Variants in ANKRD11 observed in about 807,000 individuals in gnomAD.
ANKRD11 encodes the protein ankyrin repeat domain 11, also known as ankyrin repeat domain-containing protein 11.
A neutral mutation model predicts 195.7 loss-of-function variants in ANKRD11; 17 were observed. The observed-to-expected ratio is 0.09, with a 90% CI of 0.06 to 0.13. The LOEUF (loss-of-function observed/expected upper bound fraction) is 0.13, where lower values mean the gene tolerates loss of function less well. Ranked by LOEUF, ANKRD11 falls within the 10% of genes least tolerant of loss-of-function variation. ANKRD11 has a pLI of 1.00. For missense variants in ANKRD11, 3,735 were observed against 3,566.1 expected, an observed-to-expected ratio of 1.05 and a Z score of -1.21; for synonymous variants, 1,953 against 1,528.1, an observed-to-expected ratio of 1.28 and a Z score of -6.49.
intron 1 of ANKRD11, among the ~76,000 whole-genome samples, chr16:89,457,708 T>C (rs2056499036): frequency 6.6e-6 from 1 of 152,026 alleles, no homozygotes; most frequent in African/African-American, 2.4e-5. Flanking sequence ...TGGTTACAAA[T>C]GGGCATTCTG....
chr16:89,307,222 G>C (rs74033740), intron 3 of ANKRD11, among the ~76,000 whole-genome samples: 2,358 of 152,326 alleles, frequency 0.015, 50 homozygotes, highest in African/African-American at 0.054. Flanking sequence ...GGAGGCCTCA[G>C]CTGCTCCAGG....
chr16:89,335,747 A>G (rs994791432), intron 2 of ANKRD11, among the ~76,000 whole-genome samples: 32 of 152,236 alleles, frequency 2.1e-4, no homozygotes, highest in Admixed American at 3.3e-4. Context: ...ACTGACCGTG[A>G]CAGGCCCCAG....
intron 1 of ANKRD11, among the ~76,000 whole-genome samples, chr16:89,461,602 A>G (rs1204266802): frequency 1.3e-5 from 2 of 152,116 alleles, no homozygotes; most frequent in Non-Finnish European, 2.9e-5. Context: ...CGGCCTCCGA[A>G]AGTGCTGAGA....
chr16:89,433,254 C>T (rs1472621932), intron 1 of ANKRD11, among the ~76,000 whole-genome samples: 3 of 152,216 alleles, frequency 2.0e-5, no homozygotes, highest in Admixed American at 6.5e-5. Flanking sequence ...GTGGCCATGA[C>T]TGGCCGGATC....
At chr16:89,342,521 C>A (rs190113955) in intron 2 of ANKRD11, among the ~76,000 whole-genome samples, 114 of 152,330 alleles carry the variant, frequency 7.5e-4, no homozygotes, top group African/African-American at 2.4e-3. Flanking sequence ...GAACTCGCTG[C>A]GGCCTGCGTG....
chr16:89,457,579 G>C (rs537142517), intron 1 of ANKRD11, among the ~76,000 whole-genome samples: 1 of 115,800 alleles, frequency 8.6e-6, no homozygotes, highest in Admixed American at 9.2e-5. Context: ...GCAAGGCTCC[G>C]TCTCAAGAAA....
intron 2 of ANKRD11, among the ~76,000 whole-genome samples, chr16:89,381,036 A>C (rs375693212): frequency 6.6e-6 from 1 of 152,202 alleles, no homozygotes; most frequent in African/African-American, 2.4e-5. Context: ...AGGGATGAGA[A>C]GGGCGGCTGG....
At chr16:89,304,995 A>C (rs1179969911) in intron 4 of ANKRD11, 1 of 693,108 alleles carries the variant, frequency 1.4e-6, no homozygotes, top group South Asian at 2.0e-5. Context: ...GAAGCTCTCC[A>C]ATCGGCCCCA....
chr16:89,375,089 C>T (rs1053435512), intron 2 of ANKRD11, among the ~76,000 whole-genome samples: 7 of 151,954 alleles, frequency 4.6e-5, no homozygotes, highest in Admixed American at 2.6e-4. Flanking sequence ...CGTAAACAAA[C>T]GTAACGTCGC....
At chr16:89,356,902 G>A (rs538845500) in intron 2 of ANKRD11, among the ~76,000 whole-genome samples, 45 of 152,228 alleles carry the variant, frequency 3.0e-4, no homozygotes, top group Non-Finnish European at 5.6e-4. Context: ...CCCTGTGGCT[G>A]TAATCTCCCG....
Position 89,300,639 on chromosome 16 carries a change from C to G in ANKRD11, c.226+4567G>C, listed in dbSNP as rs909194829. On this transcript the variant is annotated intron_variant, in intron 4 of 12. Transcript: ENST00000301030. ...ACCAGTGGCTAAGTCTGTCTTCCCT[C>G]CAGGAATGGGGAAGCAGGAGCCGTC... 2.6e-5 allele frequency: 13 copies of G among 504,268 alleles called. No homozygotes were observed. In the African/African-American group the frequency reaches 2.6e-4, roughly 10 times the overall value. 31.2% of individuals were successfully genotyped at this position (504,268 alleles called of 1,614,324 possible).
chr16:89,460,545 C>T (rs1291971566), intron 1 of ANKRD11, among the ~76,000 whole-genome samples: 2 of 152,022 alleles, frequency 1.3e-5, no homozygotes, highest in Non-Finnish European at 2.9e-5. Flanking sequence ...GGTGACAGAG[C>T]GAGATTCTGT....
At chr16:89,392,894 T>C (rs954294795) in intron 2 of ANKRD11, among the ~76,000 whole-genome samples, 36 of 151,862 alleles carry the variant, frequency 2.4e-4, no homozygotes, top group Admixed American at 2.0e-3. Context: ...AGTGAACTTG[T>C]GTCTAATCAC....
chr16:89,433,678 G>A (rs1027495677), intron 1 of ANKRD11, among the ~76,000 whole-genome samples: 1 of 151,128 alleles, frequency 6.6e-6, no homozygotes, highest in East Asian at 2.0e-4. Flanking sequence ...AGAAGGAACG[G>A]GCTTGGACGC....
intron 1 of ANKRD11, among the ~76,000 whole-genome samples, chr16:89,471,693 G>A (rs2057089567): frequency 6.9e-6 from 1 of 145,938 alleles, no homozygotes; most frequent in Non-Finnish European, 1.5e-5. Flanking sequence ...GATGAGGAAG[G>A]AGAGTTGCTT....
At chr16:89,472,498 C>T (rs1348101527) in intron 1 of ANKRD11, among the ~76,000 whole-genome samples, 1 of 152,202 alleles carries the variant, frequency 6.6e-6, no homozygotes, top group Non-Finnish European at 1.5e-5. Flanking sequence ...CCCGAGTCAC[C>T]AGCACATCAC....
At chr16:89,437,852 T>C (rs2043280870) in intron 1 of ANKRD11, among the ~76,000 whole-genome samples, 1 of 152,092 alleles carries the variant, frequency 6.6e-6, no homozygotes, top group Non-Finnish European at 1.5e-5. Context: ...CCCAGTTCAA[T>C]CTCCTATGGG....
Position 89,280,131 on chromosome 16 carries a change from G to T in ANKRD11, c.6411C>A (p.Ser2137=), listed in dbSNP as rs778269039. The T allele has an allele frequency of 1.2e-6, 2 of 1,612,266 alleles. No homozygotes were observed. The highest frequency in any genetic ancestry group is 1.1e-5 in the South Asian group (1 of 90,976). Residue 2137 remains serine (S), a synonymous_variant, in exon 9 of 13, where the codon TCC becomes TCA. Coordinates refer to ENST00000301030, the MANE Select transcript of ANKRD11 (RefSeq NM_013275.6). ...PEDDLDLGPF[S]LPELPLQTKD... ...TAGTCTGCAGGGGAAGCTCCGGCAG[G>T]GAGAAGGGCCCCAGGTCCAGGTCGT...
At chr16:89,286,807 C>T (rs2151773297) in intron 7 of ANKRD11, 3 of 1,287,224 alleles carry the variant, frequency 2.3e-6, no homozygotes, top group Non-Finnish European at 2.0e-6. Context: ...TCACCAGCAA[C>T]CTGGATTTCC....
Sources: gnomAD v4.1 joint callset for allele counts (sites outside exome capture counted in the v4.1 genomes callset) on GRCh38, gnomAD v4.1.1 for gene constraint, MANE v1.5 for transcripts, NCBI Gene and HGNC (gene_info 2026-07-23, HGNC 2026-07-21) for gene names.